GPC5: variants seen among roughly 807,000 people sequenced by gnomAD.
GPC5 encodes glypican-5.
GPC5 carries 47 observed loss-of-function variants against 53.9 expected under a neutral mutation model. The ratio of observed to expected loss-of-function variants is 0.87; its 90% CI spans 0.69 to 1.11. The LOEUF (loss-of-function observed/expected upper bound fraction) is 1.11. Among genes scored for constraint, GPC5 ranks in the 50% most tolerant of loss-of-function variants. The pLI, the probability that GPC5 is intolerant of heterozygous loss-of-function variation, is 0.00. For missense variants in GPC5, 748 were observed against 713.1 expected, an observed-to-expected ratio of 1.05 and a Z score of -0.56; for synonymous variants, 286 against 263.3, an observed-to-expected ratio of 1.09 and a Z score of -0.84.
chr13:92,114,228 C>A (rs111287844), intron 6 of GPC5, among the ~76,000 whole-genome samples: 1 of 152,190 alleles, frequency 6.6e-6, no homozygotes, highest in Admixed American at 6.5e-5. Context: ...CAGAGGAATT[C>A]ATGGCAGGGC....
chr13:92,758,032 C>G (rs866567136), intron 7 of GPC5, among the ~76,000 whole-genome samples: 1 of 150,726 alleles, frequency 6.6e-6, no homozygotes, highest in Non-Finnish European at 1.5e-5. Flanking sequence ...CACATGCACA[C>G]GTATGTTTAT....
Position 92,144,840 on chromosome 13 carries a change from G to A in GPC5, c.1412G>A (p.Gly471Asp). ...TTTATGTACAATTAGTTGTTACAGG[G>A]TAGATCACCCAAACCTGACAAGTGG... The part of the protein sequence containing the change: ...KLKHVVQLLQ[G>D]RSPKPDKWEL... The change falls in exon 7 of 8, where the codon GGT (glycine) becomes GAT (aspartate). Residue 471 changes from glycine to aspartate, a missense_variant. Coordinates refer to ENST00000377067, the MANE Select transcript of GPC5 (RefSeq NM_004466.6). 4 of 1,611,002 alleles carry A rather than the reference G, an allele frequency of 2.5e-6. No homozygotes were observed. Among genetic ancestry groups the A allele is most frequent in the Non-Finnish European group, 2.5e-6 (3 of 1,178,492 alleles).
At chr13:91,522,879 G>A (rs1212721703) in intron 2 of GPC5, among the ~76,000 whole-genome samples, 1 of 152,168 alleles carries the variant, frequency 6.6e-6, no homozygotes, top group Non-Finnish European at 1.5e-5. Flanking sequence ...ATTCCATGGT[G>A]TGTATGTGCC....
intron 6 of GPC5, among the ~76,000 whole-genome samples, chr13:91,976,656 G>A (rs927700751): frequency 1.2e-4 from 19 of 152,176 alleles, no homozygotes; most frequent in African/African-American, 4.6e-4. Flanking sequence ...CAGTGATCTG[G>A]CGAGTTTCAG....
chr13:91,472,697 ATAT>A (rs1882703657), intron 2 of GPC5, among the ~76,000 whole-genome samples: 1 of 152,222 alleles, frequency 6.6e-6, no homozygotes, highest in Non-Finnish European at 1.5e-5. Context: ...GCATCTGAAA[ATAT>A]TATTGAAAAT....
At position 91,693,308 on chromosome 13, in the gene GPC5, G is replaced by T. The variant is rs1337576589; in HGVS notation, c.447G>T (p.Gly149=). The change falls in exon 3 of 8, where the codon GGG becomes GGT. Residue 149 remains glycine, a synonymous_variant. Coordinates refer to ENST00000377067, the MANE Select transcript of GPC5 (RefSeq NM_004466.6). The stretch of plus-strand genomic sequence containing the variant: ...TTCAGGAGTTCTTCACTGATGTGGG[G>T]CTGTATTTATTTGGTGCGGATGTTA... The part of the protein sequence containing the change: ...ASVQEFFTDV[G]LYLFGADVNP... 5.6e-6 allele frequency: 9 copies of T among 1,614,106 alleles called. No individual in the cohort carries two copies. The highest frequency in any genetic ancestry group is 1.1e-5 in the South Asian group (1 of 91,078).
intron 2 of GPC5, among the ~76,000 whole-genome samples, chr13:91,599,443 C>T (rs1257562991): frequency 6.6e-6 from 1 of 151,958 alleles, no homozygotes; most frequent in Non-Finnish European, 1.5e-5. Context: ...CATTTGGACA[C>T]AGAATAGCCA....
intron 1 of GPC5, among the ~76,000 whole-genome samples, chr13:91,426,382 G>T (rs1879051105): frequency 6.6e-6 from 1 of 152,128 alleles, no homozygotes; most frequent in South Asian, 2.1e-4. Context: ...GCATATTAGG[G>T]TTCTCTAGAG....
In GPC5 at chr13:91,433,200, CT is replaced by C. The variant is rs555467316; in HGVS notation, c.164-15550del. Among the ~76,000 whole-genome samples the C allele has an allele frequency of 8.4e-3, 1,207 of 144,518 alleles. 19 individuals are homozygous for C. The highest frequency in any genetic ancestry group is 0.082 in the South Asian group (374 of 4,550). The allele number at this position is 144,518 out of a possible 152,430, so 94.8% of individuals were successfully genotyped here. A position where few individuals can be genotyped will look rare whatever the true frequency, so the allele number is the denominator to read the frequency against. Reference sequence around the variant, plus strand: ...TCCATTGACTGCTTCTTCCCAGGCTCTTTTTTTTTTTAATTATACTTTAAGT... The same window carrying C: ...TCCATTGACTGCTTCTTCCCAGGCTCTTTTTTTTTTAATTATACTTTAAGT... On this transcript the variant is annotated intron_variant, in intron 1 of 7. Transcript: ENST00000377067.
intron 7 of GPC5, among the ~76,000 whole-genome samples, chr13:92,605,682 C>T (rs1884230051): frequency 6.6e-6 from 1 of 151,204 alleles, no homozygotes; most frequent in Non-Finnish European, 1.5e-5. Flanking sequence ...CTCCGCTTCC[C>T]GGGTTCACGC....
In GPC5 at chr13:91,784,108, G is replaced by C. The variant is rs181468399; in HGVS notation, c.1280+27688G>C. Among the ~76,000 whole-genome samples, 712 of 152,276 alleles carry C rather than the reference G, an allele frequency of 4.7e-3. 1 individual carries two copies. Among genetic ancestry groups the C allele is most frequent in the Non-Finnish European group, 8.0e-3 (547 of 68,016 alleles). On this transcript the variant is annotated intron_variant, in intron 5 of 7. Coordinates refer to ENST00000377067, the MANE Select transcript of GPC5 (RefSeq NM_004466.6). ...AGACAGATTAGACACTCTGTGAACA[G>C]AGGTGAGGAACATGTACTGCCATAA...
At chr13:92,299,218 T>A (rs549249369) in intron 7 of GPC5, among the ~76,000 whole-genome samples, 2 of 152,262 alleles carry the variant, frequency 1.3e-5, no homozygotes, top group South Asian at 4.1e-4. Context: ...ACAACAAAGA[T>A]CTTTATGGAT....
Position 91,738,575 on chromosome 13 carries a change from G to A in GPC5, c.1154+9910G>A, listed in dbSNP as rs959694022. On this transcript the variant is annotated intron_variant, in intron 4 of 7. Transcript: ENST00000377067. ...TCTTGCTCTTTTTTTTCTCTTTACT[G>A]CATGTCTTTTTTAAAAATTCCTCCT... Among the ~76,000 whole-genome samples the A allele has an allele frequency of 2.0e-5, 3 of 150,640 alleles. 1 individual carries two copies. The highest frequency in any genetic ancestry group is 7.4e-5 in the African/African-American group (3 of 40,396).
chr13:92,490,475 A>G (rs1422259375), intron 7 of GPC5, among the ~76,000 whole-genome samples: 1 of 152,104 alleles, frequency 6.6e-6, no homozygotes, highest in Non-Finnish European at 1.5e-5. Context: ...GTAAAGGGAC[A>G]TTAAGTATCC....
chr13:92,052,669 A>G (rs1201355743), intron 6 of GPC5, among the ~76,000 whole-genome samples: 1 of 152,116 alleles, frequency 6.6e-6, no homozygotes, highest in Non-Finnish European at 1.5e-5. Flanking sequence ...CTGATTGGTG[A>G]GTTTTTATAA....
chr13:91,996,628 C>T (rs2040506474), intron 6 of GPC5: 1 of 152,202 alleles, frequency 6.6e-6, no homozygotes, highest in African/African-American at 2.4e-5. Flanking sequence ...AAGTCATGAA[C>T]TAGAACATGG....
intron 2 of GPC5, among the ~76,000 whole-genome samples, chr13:91,692,727 T>C (rs1412390049): frequency 1.3e-5 from 2 of 152,202 alleles, no homozygotes; most frequent in Non-Finnish European, 2.9e-5. Context: ...CATTGCAACC[T>C]CCGCCTCCCA....
At chr13:91,483,072 T>A (rs1883392641) in intron 2 of GPC5, among the ~76,000 whole-genome samples, 2 of 152,150 alleles carry the variant, frequency 1.3e-5, no homozygotes, top group Non-Finnish European at 2.9e-5. Context: ...TCCATAGGAA[T>A]TAGTTTTCAC....
chr13:91,499,821 C>T (rs1230670263), intron 2 of GPC5, among the ~76,000 whole-genome samples: 1 of 152,178 alleles, frequency 6.6e-6, no homozygotes, highest in African/African-American at 2.4e-5. Context: ...AAAACAGATA[C>T]ATGGAGCCAC....
Sources: allele counts gnomAD v4.1 joint callset (sites outside exome capture counted in the v4.1 genomes callset), GRCh38; gene constraint gnomAD v4.1.1; transcripts MANE v1.5; gene names NCBI Gene and HGNC (gene_info 2026-07-23, HGNC 2026-07-21).